Variants in DOCK3 observed in about 807,000 individuals in gnomAD.
The protein encoded by DOCK3 is dedicator of cytokinesis protein 3.
DOCK3 carries 60 observed loss-of-function variants against 265.6 expected under a neutral mutation model. The ratio of observed to expected loss-of-function variants is 0.23; its 90% CI spans 0.18 to 0.28. The LOEUF (loss-of-function observed/expected upper bound fraction) is 0.28, where lower values mean the gene tolerates loss of function less well. Ranked by LOEUF, DOCK3 falls within the 10% of genes least tolerant of loss-of-function variation. The probability of loss-of-function intolerance (pLI) is 1.00; values close to 1 mark genes in which losing one functional copy is unlikely to be tolerated. For synonymous variants in DOCK3, 881 were observed against 938.0 expected (o/e 0.94, Z 1.11); for missense variants, 1,981 against 2,594.3 (o/e 0.76, Z 5.14).
intron 13 of DOCK3, among the ~76,000 whole-genome samples, chr3:51,213,579 T>C (rs1470522747): frequency 6.6e-6 from 1 of 152,226 alleles, no homozygotes; most frequent in East Asian, 1.9e-4. Flanking sequence ...AAGCGCCCTC[T>C]TTTCTTTGCA....
At chr3:51,191,849 G>A (rs1158066591) in intron 12 of DOCK3, among the ~76,000 whole-genome samples, 8 of 151,646 alleles carry the variant, frequency 5.3e-5, no homozygotes, top group African/African-American at 1.2e-4. Context: ...TGTTTTTCCT[G>A]CTGAGTTGTT....
intron 1 of DOCK3, among the ~76,000 whole-genome samples, chr3:50,690,637 A>G (rs1246604240): frequency 6.6e-6 from 1 of 150,516 alleles, no homozygotes; most frequent in Non-Finnish European, 1.5e-5. Flanking sequence ...TCATTCATTC[A>G]TTCATTCATT....
intron 1 of DOCK3, among the ~76,000 whole-genome samples, chr3:50,734,009 A>G (rs1447491898): frequency 6.6e-6 from 1 of 152,200 alleles, no homozygotes; most frequent in Non-Finnish European, 1.5e-5. Flanking sequence ...ACTGTAACTA[A>G]TAACAATGTA....
intron 3 of DOCK3, among the ~76,000 whole-genome samples, chr3:50,879,295 A>C (rs908113603): frequency 6.6e-6 from 1 of 152,208 alleles, no homozygotes; most frequent in Non-Finnish European, 1.5e-5. Context: ...CTTTAAATGT[A>C]AATGGGCTAA....
intron 4 of DOCK3, among the ~76,000 whole-genome samples, chr3:50,893,524 G>C (rs2048741347): frequency 6.6e-6 from 1 of 152,024 alleles, no homozygotes; most frequent in Non-Finnish European, 1.5e-5. Context: ...TGATCAAATA[G>C]AGGAGCGAGT....
intron 3 of DOCK3, among the ~76,000 whole-genome samples, chr3:50,845,383 G>C (rs1389253211): frequency 1.3e-5 from 2 of 152,174 alleles, no homozygotes; most frequent in Admixed American, 6.5e-5. Context: ...TCCATTTTGT[G>C]ATTTCAGGAT....
intron 9 of DOCK3, among the ~76,000 whole-genome samples, chr3:51,116,867 G>C (rs1437662151): frequency 1.3e-5 from 2 of 152,196 alleles, no homozygotes; most frequent in Non-Finnish European, 2.9e-5. Context: ...TTTGGGCTGA[G>C]ACGATGAGAT....
Position 51,277,655 on chromosome 3 carries a change from G to A in DOCK3, c.2724G>A (p.Leu908=). 6.3e-7 allele frequency: 1 copy of A among 1,594,516 alleles called. No homozygotes were observed. The highest frequency in any genetic ancestry group is 8.5e-7 in the Non-Finnish European group (1 of 1,170,326). ...EEVEMMVESL[L]DVLLQTLLTI... ...TAGAGATGATGGTGGAGAGCCTCCT[G>A]GACGTGCTCTTGCAGACTCTGCTCA... is the stretch of plus-strand genomic sequence containing the variant. The change falls in exon 26 of 53, where the codon CTG becomes CTA. Residue 908 remains leucine, a synonymous_variant. Coordinates refer to ENST00000266037, the MANE Select transcript of DOCK3 (RefSeq NM_004947.5).
chr3:51,027,082 T>C (rs139543394), intron 5 of DOCK3, among the ~76,000 whole-genome samples: 1 of 152,302 alleles, frequency 6.6e-6, no homozygotes, highest in African/African-American at 2.4e-5. Context: ...CTTCTTGATG[T>C]AGGCATTTAG....
At chr3:50,954,918 T>C (rs2076688952) in intron 5 of DOCK3, among the ~76,000 whole-genome samples, 1 of 152,212 alleles carries the variant, frequency 6.6e-6, no homozygotes, top group Admixed American at 6.5e-5. Context: ...TCCAGGGTAG[T>C]ATTGCCTAGG....
At chr3:51,360,672 T>TGAGTCTAAATTGTCAAGGGTCAGAGGAA in intron 47 of DOCK3, 40 bp downstream of exon 47, 2 of 1,611,244 alleles carry the variant, frequency 1.2e-6, no homozygotes, top group Non-Finnish European at 1.7e-6. Context: ...TCTGGAGAGG[T>TGAGTCTAAATTGTCAAGGGTCAGAGGAA]GAGTCTAAAT....
Position 50,834,545 on chromosome 3 carries a change from G to A in DOCK3, c.122-7130G>A, listed in dbSNP as rs999574041. Among the ~76,000 whole-genome samples the A allele has an allele frequency of 3.3e-5, 5 of 152,088 alleles. No individual in the cohort carries two copies. In the East Asian group the frequency reaches 9.6e-4, roughly 29 times the overall value. On this transcript the variant is annotated intron_variant, in intron 2 of 52. Transcript: ENST00000266037. Reference sequence around the variant, plus strand: ...TTTGACAGTGCTTCCCGTATGATTTGTATACCAAATAAGCTGAATATGTCA... The same window carrying A: ...TTTGACAGTGCTTCCCGTATGATTTATATACCAAATAAGCTGAATATGTCA...
At chr3:51,347,529 T>G (rs753363230) in intron 38 of DOCK3, among the ~76,000 whole-genome samples, 1 of 152,240 alleles carries the variant, frequency 6.6e-6, no homozygotes, top group South Asian at 2.1e-4. Flanking sequence ...CCATGCTGTT[T>G]TGGTCACTGT....
intron 1 of DOCK3, among the ~76,000 whole-genome samples, chr3:50,685,169 C>T (rs755189010): frequency 2.6e-5 from 4 of 152,142 alleles, no homozygotes; most frequent in Admixed American, 2.6e-4. Context: ...TCTTTTAAGA[C>T]TGCCGTTCTG....
intron 2 of DOCK3, among the ~76,000 whole-genome samples, chr3:50,828,708 T>C (rs1333479123): frequency 6.6e-6 from 1 of 151,834 alleles, no homozygotes; most frequent in East Asian, 1.9e-4. Flanking sequence ...CCCAACCTTT[T>C]ACCCTTTTCT....
At chr3:50,926,248 T>C (rs2108086786) in intron 4 of DOCK3, among the ~76,000 whole-genome samples, 1 of 152,314 alleles carries the variant, frequency 6.6e-6, no homozygotes, top group Middle Eastern at 3.4e-3. Context: ...CCAATTTTTA[T>C]ATATCCATTC....
intron 27 of DOCK3, 28 bp downstream of exon 27, chr3:51,280,232 G>A (rs1003470185): frequency 6.9e-6 from 11 of 1,598,120 alleles, no homozygotes; most frequent in Non-Finnish European, 8.6e-6. Flanking sequence ...TTTCCTCTGG[G>A]AGAGGAAGTG....
At chr3:51,326,546 C>T (rs1056807080) in intron 32 of DOCK3, among the ~76,000 whole-genome samples, 1 of 151,756 alleles carries the variant, frequency 6.6e-6, no homozygotes, top group Non-Finnish European at 1.5e-5. Flanking sequence ...TCCCAAAATG[C>T]TGGGATTACA....
At chr3:51,064,311 A>T in intron 5 of DOCK3, 137 bp from the exon 6 acceptor site, 3 of 1,143,532 alleles carry the variant, frequency 2.6e-6, no homozygotes, top group Admixed American at 2.5e-5. Flanking sequence ...TTCAGACTTT[A>T]AAATTAAGTT....
Sources: allele counts gnomAD v4.1 joint callset (sites outside exome capture counted in the v4.1 genomes callset), GRCh38; gene constraint gnomAD v4.1.1; transcripts MANE v1.5; gene names NCBI Gene and HGNC (gene_info 2026-07-23, HGNC 2026-07-21).